SLC16A4: variants seen among roughly 807,000 people sequenced by gnomAD.
The protein encoded by SLC16A4 is probable monocarboxylate transporter 5.
In SLC16A4, 39 loss-of-function variants were observed where a neutral mutation model predicts 47.9. The observed-to-expected ratio is 0.81, with a 90% CI of 0.63 to 1.06. SLC16A4 has a LOEUF of 1.06. Among genes scored for constraint, SLC16A4 ranks in the 50% least tolerant of loss-of-function variants. The pLI, the probability that SLC16A4 is intolerant of heterozygous loss-of-function variation, is 0.00. For missense variants in SLC16A4, 524 were observed against 573.8 expected (o/e 0.91, Z 0.89); for synonymous variants, 189 against 199.9 (o/e 0.95, Z 0.46).
intron 3 of SLC16A4, 92 bp from the exon 4 acceptor site, chr1:110,381,887 C>G (rs1003401562): frequency 5.0e-6 from 6 of 1,192,424 alleles, no homozygotes; most frequent in Middle Eastern, 2.4e-4. Flanking sequence ...ACAAGGAAAG[C>G]AAGAGGACTG....
chr1:110,380,058 C>CAAAAAAAAAAAAAA lies in SLC16A4; in HGVS notation c.527-716_527-703dup, dbSNP rs542273389. 5.6e-4 allele frequency among the ~76,000 whole-genome samples: 54 copies of CAAAAAAAAAAAAAA among 96,240 alleles called. 1 individual carries two copies. The highest frequency in any genetic ancestry group is 8.4e-4 in the African/African-American group (19 of 22,754). 63.1% of individuals were successfully genotyped at this position (96,240 alleles called of 152,430 possible). A position where few individuals can be genotyped will look rare whatever the true frequency, so the allele number is the denominator to read the frequency against. On this transcript the variant is annotated intron_variant, in intron 5 of 8. Transcript: ENST00000369779. Reference sequence around the variant, plus strand: ...AATGACAAAGCGAGAGAGCCTGTCTCAAAAAAAAAAAAAAAGCAGCGGGAG... The same window carrying CAAAAAAAAAAAAAA: ...AATGACAAAGCGAGAGAGCCTGTCTCAAAAAAAAAAAAAAAAAAAAAAAAAAAAAGCAGCGGGAG...
chr1:110,377,885 A>C lies in SLC16A4; in HGVS notation c.1031-724T>G, dbSNP rs138740106. Among the ~76,000 whole-genome samples the C allele has an allele frequency of 6.0e-3, 915 of 152,186 alleles. 9 individuals are homozygous for C. The highest frequency in any genetic ancestry group is 0.019 in the African/African-American group (809 of 41,530). On this transcript the variant is annotated intron_variant, in intron 6 of 8. Coordinates refer to ENST00000369779, the MANE Select transcript of SLC16A4 (RefSeq NM_004696.3). ...CGCTCCGTCACCCAGGCTGGAGTGC[A>C]GTGGTGCATTCTCGGCTCACTGCAA...
chr1:110,376,887 G>T, intron 7 of SLC16A4, 63 bp downstream of exon 7: 1 of 1,314,806 alleles, frequency 7.6e-7, no homozygotes, highest in Non-Finnish European at 1.1e-6. Flanking sequence ...ATTTTGGGGA[G>T]ATTGTTACTG....
intron 8 of SLC16A4, 59 bp from the exon 9 acceptor site, chr1:110,363,952 C>A: frequency 6.4e-7 from 1 of 1,555,832 alleles, no homozygotes; most frequent in Non-Finnish European, 8.7e-7. Flanking sequence ...TAACTCTCAG[C>A]CATGAATAGC....
chr1:110,385,944 C>T (rs1228322326), intron 2 of SLC16A4, among the ~76,000 whole-genome samples: 1 of 152,198 alleles, frequency 6.6e-6, no homozygotes, highest in African/African-American at 2.4e-5. Flanking sequence ...ACTTTCTTCT[C>T]TCAGTTCATA....
intron 2 of SLC16A4, among the ~76,000 whole-genome samples, chr1:110,386,891 C>G (rs1433035256): frequency 1.3e-5 from 2 of 152,200 alleles, no homozygotes; most frequent in African/African-American, 2.4e-5. Context: ...TAGCTCTTAT[C>G]AAGGTTATTA....
intron 8 of SLC16A4, among the ~76,000 whole-genome samples, chr1:110,366,674 A>G (rs192824548): frequency 1.3e-5 from 2 of 152,324 alleles, no homozygotes; most frequent in East Asian, 3.9e-4. Flanking sequence ...GCTCTACCAT[A>G]TAGCCTAGGT....
intron 8 of SLC16A4, among the ~76,000 whole-genome samples, chr1:110,366,268 T>C (rs1376335370): frequency 6.6e-6 from 1 of 152,024 alleles, no homozygotes; most frequent in African/African-American, 2.4e-5. Context: ...AGTGATTCTC[T>C]TGCCTCAGCC....
In SLC16A4 at chr1:110,373,370, CTG is replaced by C. The variant is rs139145234; in HGVS notation, c.1336+2086_1336+2087del. ...AGATTGAAAAAAATGCATCAGCAAACTGTGTTTGAGCTCTGTTTTCTGTATTT... is the reference window on the plus strand; with the variant it reads ...AGATTGAAAAAAATGCATCAGCAAACTGTTTGAGCTCTGTTTTCTGTATTT... On this transcript the variant is annotated intron_variant, in intron 8 of 8. Coordinates refer to ENST00000369779, the MANE Select transcript of SLC16A4 (RefSeq NM_004696.3). 1.7e-3 allele frequency among the ~76,000 whole-genome samples: 263 copies of C among 152,212 alleles called. 2 individuals are homozygous for C. Among genetic ancestry groups the C allele is most frequent in the African/African-American group, 6.0e-3 (251 of 41,530 alleles).
intron 2 of SLC16A4, among the ~76,000 whole-genome samples, chr1:110,383,860 A>G (rs1219685592): frequency 8.2e-6 from 1 of 122,360 alleles, no homozygotes; most frequent in Non-Finnish European, 1.6e-5. Context: ...TCTCTTTCAA[A>G]GTTAAGCTAT....
rs561896167 is a variant in SLC16A4 at position 110,385,295 on chromosome 1, A to G, written c.88-2329T>C. ...TCACATGGGTTAAGCTTCCGCTTTT[A>G]TGATGGGGGAGGCGGCATTGGGGAT... is the stretch of plus-strand genomic sequence containing the variant. On this transcript the variant is annotated intron_variant, in intron 2 of 8. Coordinates refer to ENST00000369779, the MANE Select transcript of SLC16A4 (RefSeq NM_004696.3). Among the ~76,000 whole-genome samples the G allele has an allele frequency of 2.6e-5, 4 of 152,334 alleles. No individual in the cohort carries two copies. In the East Asian group the frequency reaches 7.7e-4, roughly 29 times the overall value.
In SLC16A4 at chr1:110,364,783, T is replaced by C. The variant is rs192217769; in HGVS notation, c.1337-890A>G. Among the ~76,000 whole-genome samples the C allele has an allele frequency of 1.2e-3, 178 of 152,264 alleles. 2 individuals carry two copies. Among genetic ancestry groups the C allele is most frequent in the Middle Eastern group, 0.01 (3 of 294 alleles). On this transcript the variant is annotated intron_variant, in intron 8 of 8. Transcript: ENST00000369779. The stretch of plus-strand genomic sequence containing the variant: ...ACCTCGGCCTCCCAAAGTGCTGGGA[T>C]TATAAGCGTGAGCCACTGCACCTGG...
intron 2 of SLC16A4, among the ~76,000 whole-genome samples, chr1:110,383,639 C>T (rs1415280324): frequency 6.6e-6 from 1 of 152,072 alleles, no homozygotes; most frequent in African/African-American, 2.4e-5. Flanking sequence ...GTGATGTTAT[C>T]CCCCGAGCAA....
chr1:110,390,454 A>G (rs1464141142), intron 1 of SLC16A4, among the ~76,000 whole-genome samples: 2 of 152,306 alleles, frequency 1.3e-5, no homozygotes, highest in African/African-American at 2.4e-5. Context: ...AAAAGTTGTA[A>G]AAGACAGTTT....
rs138773704 is a variant in SLC16A4 at position 110,374,446 on chromosome 1, T to C, written c.1336+1012A>G. On this transcript the variant is annotated intron_variant, in intron 8 of 8. Transcript: ENST00000369779. Reference sequence around the variant, plus strand: ...ACTCCCTTCTGTCTTACTTCAGGACTAAAAGAAGCAAAAGTAAGTTTTAGG... The same window carrying C: ...ACTCCCTTCTGTCTTACTTCAGGACCAAAAGAAGCAAAAGTAAGTTTTAGG... Among the ~76,000 whole-genome samples, 152 of 152,342 alleles carry C rather than the reference T, an allele frequency of 1.0e-3. 1 individual carries two copies. Among genetic ancestry groups the C allele is most frequent in the Non-Finnish European group, 1.9e-3 (126 of 68,030 alleles).
intron 2 of SLC16A4, among the ~76,000 whole-genome samples, chr1:110,384,003 C>G (rs1370121191): frequency 6.6e-6 from 1 of 151,980 alleles, no homozygotes; most frequent in African/African-American, 2.4e-5. Flanking sequence ...TCAGTTATAA[C>G]TGCAACAGCA....
At chr1:110,388,755 G>C (rs1252238708) in intron 2 of SLC16A4, among the ~76,000 whole-genome samples, 1 of 152,202 alleles carries the variant, frequency 6.6e-6, no homozygotes, top group Non-Finnish European at 1.5e-5. Flanking sequence ...TGGTTGCCTA[G>C]GCTGCAGTGC....
chr1:110,371,009 A>G (rs945292333), intron 8 of SLC16A4: 2 of 152,234 alleles, frequency 1.3e-5, no homozygotes, highest in African/African-American at 4.8e-5. Context: ...TATGTGGCAG[A>G]GTGAATAATG....
At chr1:110,384,163 C>T (rs1662606269) in intron 2 of SLC16A4, among the ~76,000 whole-genome samples, 1 of 152,130 alleles carries the variant, frequency 6.6e-6, no homozygotes, top group African/African-American at 2.4e-5. Context: ...CAGCTAATTC[C>T]AGTTACCTTT....
Sources: allele counts gnomAD v4.1 joint callset (sites outside exome capture counted in the v4.1 genomes callset), GRCh38; gene constraint gnomAD v4.1.1; transcripts MANE v1.5; gene names NCBI Gene and HGNC (gene_info 2026-07-23, HGNC 2026-07-21).